The following CEP20 variants were observed in gnomAD, a reference collection of about 807,000 sequenced individuals.
CEP20 encodes the protein FGFR1OP N-terminal like.
CEP20 carries 18 observed loss-of-function variants against 20.0 expected under a neutral mutation model. The observed-to-expected ratio is 0.90, with a 90% CI of 0.62 to 1.34. CEP20 has a LOEUF of 1.34. Among genes scored for constraint, CEP20 ranks in the 40% most tolerant of loss-of-function variants. The pLI is 0.00. For synonymous variants in CEP20, 77 were observed against 73.7 expected, an observed-to-expected ratio of 1.04 and a Z score of -0.23; for missense variants, 215 against 201.6, an observed-to-expected ratio of 1.07 and a Z score of -0.40.
intron 3 of CEP20, among the ~76,000 whole-genome samples, chr16:15,874,137 T>C (rs7204700): frequency 0.069 from 10,535 of 152,228 alleles, 488 homozygotes; most frequent in East Asian, 0.22. Context: ...GTTTCTTCCT[T>C]TATAAATTAG....
intron 1 of CEP20, among the ~76,000 whole-genome samples, chr16:15,887,949 G>A (rs1032318964): frequency 2.0e-5 from 3 of 151,854 alleles, no homozygotes; most frequent in Non-Finnish European, 2.9e-5. Context: ...GTAGTGAAGA[G>A]CCCCTGTATT....
intron 3 of CEP20, chr16:15,877,144 G>C (rs888763123): frequency 6.6e-6 from 1 of 152,304 alleles, no homozygotes; most frequent in African/African-American, 2.4e-5. Context: ...GAGCCAATGC[G>C]CCCGGCCTTC....
intron 4 of CEP20, among the ~76,000 whole-genome samples, chr16:15,869,566 C>T (rs905542066): frequency 6.6e-6 from 1 of 152,106 alleles, no homozygotes; most frequent in African/African-American, 2.4e-5. Context: ...CCACCTAGGC[C>T]TCCCAAGGTG....
At position 15,879,789 on chromosome 16, in the gene CEP20, A is replaced by G. The variant is rs1156980981; in HGVS notation, c.311+15T>C. The stretch of plus-strand genomic sequence containing the variant: ...CAATACAATATGTGGAAACTTCTTT[A>G]AAAAAATGTCTTACATTGTATTATC... On this transcript the variant is annotated intron_variant, in intron 3 of 4. Transcript: ENST00000255759. 2 of 1,500,586 alleles carry G rather than the reference A, an allele frequency of 1.3e-6. No homozygotes were observed. Among genetic ancestry groups the G allele is most frequent in the Admixed American group, 2.0e-5 (1 of 49,040 alleles). 93.0% of individuals were successfully genotyped at this position (1,500,586 alleles called of 1,614,324 possible).
chr16:15,885,387 G>T (rs925902619), intron 1 of CEP20, among the ~76,000 whole-genome samples: 2 of 151,960 alleles, frequency 1.3e-5, no homozygotes, highest in Admixed American at 1.3e-4. Flanking sequence ...GTGAAAAGGT[G>T]TTGGGTTTTT....
At chr16:15,868,114 T>C (rs1470881285) in intron 4 of CEP20, among the ~76,000 whole-genome samples, 1 of 152,042 alleles carries the variant, frequency 6.6e-6, no homozygotes, top group Non-Finnish European at 1.5e-5. Flanking sequence ...CAAACCTCTC[T>C]CTTACATGTA....
chr16:15,872,604 G>A (rs1345288753), intron 4 of CEP20, among the ~76,000 whole-genome samples: 1 of 152,090 alleles, frequency 6.6e-6, no homozygotes, highest in Non-Finnish European at 1.5e-5. Context: ...GGGAAGCTGA[G>A]GCAAGAAGGT....
intron 3 of CEP20, among the ~76,000 whole-genome samples, chr16:15,879,603 G>A (rs983202698): frequency 1.3e-5 from 2 of 152,170 alleles, no homozygotes; most frequent in African/African-American, 2.4e-5. Context: ...AAGATGCTGA[G>A]TCACTCTGAA....
chr16:15,878,599 C>CG (rs2045013351), intron 3 of CEP20, among the ~76,000 whole-genome samples: 1 of 151,714 alleles, frequency 6.6e-6, no homozygotes, highest in Non-Finnish European at 1.5e-5. Flanking sequence ...CAGGTTAAAG[C>CG]GATTCTCATG....
chr16:15,885,541 C>T (rs556701633), intron 1 of CEP20: 190 of 151,978 alleles, frequency 1.3e-3, no homozygotes, highest in Non-Finnish European at 2.4e-3. Context: ...TACAGGTGTG[C>T]GATACCACGA....
chr16:15,883,851 A>C (rs2045171805), intron 2 of CEP20, among the ~76,000 whole-genome samples, 157 bp downstream of exon 2: 1 of 152,188 alleles, frequency 6.6e-6, no homozygotes, highest in South Asian at 2.1e-4. Flanking sequence ...TCTTGTAAGA[A>C]TCTGTTTAAG....
At chr16:15,882,399 C>T (rs992018885) in intron 2 of CEP20, among the ~76,000 whole-genome samples, 2 of 152,004 alleles carry the variant, frequency 1.3e-5, no homozygotes, top group Non-Finnish European at 2.9e-5. Flanking sequence ...ATTAGCTGGG[C>T]ATGGCCTGTA....
At chr16:15,888,139 G>C (rs1385412322) in intron 1 of CEP20, among the ~76,000 whole-genome samples, 1 of 151,040 alleles carries the variant, frequency 6.6e-6, no homozygotes, top group East Asian at 1.9e-4. Context: ...AGGACCCAAC[G>C]AGACAACCAA....
At chr16:15,872,456 C>T (rs2044845082) in intron 4 of CEP20, among the ~76,000 whole-genome samples, 1 of 152,070 alleles carries the variant, frequency 6.6e-6, no homozygotes, top group African/African-American at 2.4e-5. Context: ...GTGCCTGTAA[C>T]CCCCACACTC....
At chr16:15,870,148 G>T (rs917626365) in intron 4 of CEP20, among the ~76,000 whole-genome samples, 2 of 152,170 alleles carry the variant, frequency 1.3e-5, no homozygotes, top group Admixed American at 1.3e-4. Flanking sequence ...ACAGAAATTG[G>T]TTAGGAAATA....
At chr16:15,881,355 G>A (rs1193509407) in intron 2 of CEP20, among the ~76,000 whole-genome samples, 5 of 152,226 alleles carry the variant, frequency 3.3e-5, no homozygotes, top group Non-Finnish European at 7.4e-5. Context: ...TTTTCTGGGT[G>A]TAACTGGTAT....
chr16:15,872,329 T>C (rs1282812063), intron 4 of CEP20, among the ~76,000 whole-genome samples: 1 of 150,422 alleles, frequency 6.6e-6, no homozygotes, highest in Admixed American at 6.6e-5. Context: ...AAAAAAAAAA[T>C]TGATCAGCTC....
At chr16:15,873,911 C>CTA (rs57477684) in intron 3 of CEP20, among the ~76,000 whole-genome samples, 32,928 of 152,106 alleles carry the variant, frequency 0.22, 4,043 homozygotes, top group African/African-American at 0.35. Context: ...CCACAGGAAT[C>CTA]TCTTTTAAAC....
chr16:15,871,080 C>A (rs983890243), intron 4 of CEP20, among the ~76,000 whole-genome samples: 3 of 151,948 alleles, frequency 2.0e-5, no homozygotes, highest in African/African-American at 7.2e-5. Flanking sequence ...CTGGCCAACA[C>A]AGTGAACCTC....
Sources: gnomAD v4.1 joint callset for allele counts (sites outside exome capture counted in the v4.1 genomes callset) on GRCh38, gnomAD v4.1.1 for gene constraint, MANE v1.5 for transcripts, NCBI Gene and HGNC (gene_info 2026-07-23, HGNC 2026-07-21) for gene names.